The following RYK variants were observed in gnomAD, a reference collection of about 807,000 sequenced individuals.
RYK encodes receptor like tyrosine kinase.
In RYK, 21 loss-of-function variants were observed where a neutral mutation model predicts 70.2. The observed-to-expected ratio is 0.30, with a 90% CI of 0.21 to 0.43. The LOEUF (loss-of-function observed/expected upper bound fraction) is 0.43. Among genes scored for constraint, RYK ranks in the 20% least tolerant of loss-of-function variants. The pLI is 1.00. For synonymous variants in RYK, 267 were observed against 278.0 expected (o/e 0.96, Z 0.39); for missense variants, 604 against 753.3 (o/e 0.80, Z 2.32).
At chr3:134,200,221 G>A (rs2013959568) in intron 6 of RYK, among the ~76,000 whole-genome samples, 1 of 152,046 alleles carries the variant, frequency 6.6e-6, no homozygotes, top group African/African-American at 2.4e-5. Flanking sequence ...CACTCTTTGG[G>A]TCCGCACTAC....
At chr3:134,164,017 G>A (rs960144434) in intron 13 of RYK, among the ~76,000 whole-genome samples, 16 of 152,002 alleles carry the variant, frequency 1.1e-4, no homozygotes, top group Admixed American at 1.0e-3. Flanking sequence ...TGCATTTTTA[G>A]CAGAAATGGG....
chr3:134,227,174 C>A (rs1409825235), intron 1 of RYK, among the ~76,000 whole-genome samples: 2 of 152,036 alleles, frequency 1.3e-5, no homozygotes, highest in Non-Finnish European at 1.5e-5. Flanking sequence ...AAAATCAATA[C>A]TATAACATTA....
intron 10 of RYK, chr3:134,181,538 C>G (rs2108156403): frequency 6.6e-6 from 1 of 152,224 alleles, no homozygotes; most frequent in East Asian, 1.9e-4. Context: ...TGAATATGAA[C>G]CAAAATATAA....
At chr3:134,250,385 C>G in intron 1 of RYK, 38 bp downstream of exon 1, 4 of 1,314,662 alleles carry the variant, frequency 3.0e-6, no homozygotes, top group Non-Finnish European at 2.9e-6. Context: ...CCCCAGCCGG[C>G]CCGACCTGCC....
At chr3:134,201,878 G>T (rs1485319519) in intron 6 of RYK, among the ~76,000 whole-genome samples, 1 of 152,120 alleles carries the variant, frequency 6.6e-6, no homozygotes, top group African/African-American at 2.4e-5. Context: ...AAATCACAGA[G>T]GAGGGAAGTA....
chr3:134,185,904 CAATT>C (rs1436281787), intron 9 of RYK, among the ~76,000 whole-genome samples: 3 of 152,102 alleles, frequency 2.0e-5, no homozygotes, highest in Non-Finnish European at 4.4e-5. Context: ...TAAGAAAACT[CAATT>C]AAAGATAAAA....
intron 14 of RYK, among the ~76,000 whole-genome samples, chr3:134,158,473 G>A (rs2108136394): frequency 6.6e-6 from 1 of 152,260 alleles, no homozygotes; most frequent in Non-Finnish European, 1.5e-5. Context: ...AATTCTTCAT[G>A]ACAACATATC....
At chr3:134,246,375 T>TA (rs35031038) in intron 1 of RYK, among the ~76,000 whole-genome samples, 70,816 of 109,604 alleles carry the variant, frequency 0.65, 22,185 homozygotes, top group Middle Eastern at 0.8. Flanking sequence ...TGGGAATTAT[T>TA]AAAAAAAAAA....
chr3:134,202,610 G>A (rs2014059907), intron 6 of RYK, 120 bp downstream of exon 6: 1 of 721,388 alleles, frequency 1.4e-6, no homozygotes, highest in South Asian at 2.2e-5. Context: ...TTTTCCTTTG[G>A]CTGGGGCTTA....
At chr3:134,202,933 C>T in intron 5 of RYK, 59 bp from the exon 6 acceptor site, 1 of 1,381,692 alleles carries the variant, frequency 7.2e-7, no homozygotes. Flanking sequence ...GCTTTGTGAC[C>T]CAATATACAT....
intron 1 of RYK, among the ~76,000 whole-genome samples, chr3:134,224,517 G>T (rs2014838534): frequency 6.6e-6 from 1 of 152,224 alleles, no homozygotes; most frequent in African/African-American, 2.4e-5. Context: ...GAGACGTTTA[G>T]GCCTCCAGAT....
chr3:134,173,781 A>C (rs1200806514), intron 13 of RYK, among the ~76,000 whole-genome samples: 1 of 152,202 alleles, frequency 6.6e-6, no homozygotes, highest in African/African-American at 2.4e-5. Flanking sequence ...AAAGGAAAAA[A>C]AATTTATTTA....
intron 10 of RYK, chr3:134,180,807 A>G (rs1191273326): frequency 1.3e-5 from 2 of 152,226 alleles, no homozygotes; most frequent in African/African-American, 2.4e-5. Context: ...ATCACCTCAT[A>G]GAAGGAAGAA....
intron 1 of RYK, among the ~76,000 whole-genome samples, chr3:134,224,534 G>A (rs963421784): frequency 2.0e-5 from 3 of 152,184 alleles, no homozygotes; most frequent in Non-Finnish European, 2.9e-5. Context: ...AGATGGCTGC[G>A]GGCGGGCCTG....
intron 6 of RYK, among the ~76,000 whole-genome samples, chr3:134,202,015 T>C (rs1293680441): frequency 6.6e-6 from 1 of 152,240 alleles, no homozygotes; most frequent in Admixed American, 6.5e-5. Flanking sequence ...ATTCACACAC[T>C]TTACTATACA....
chr3:134,158,137 T>A lies in RYK; in HGVS notation c.*16A>T. 1 of 1,380,818 alleles carries A rather than the reference T, an allele frequency of 7.2e-7. No homozygotes were observed. The highest frequency in any genetic ancestry group is 2.7e-5 in the East Asian group (1 of 36,972). The allele number at this position is 1,380,818 out of a possible 1,614,324, so 85.5% of individuals were successfully genotyped here. On this transcript the variant is annotated 3_prime_UTR_variant, in exon 15 of 15. Coordinates refer to ENST00000623711, the MANE Select transcript of RYK (RefSeq NM_002958.4). The stretch of plus-strand genomic sequence containing the variant: ...GACAGGCACCTTCTTCCTGATGGTG[T>A]GGGATTGGAGAGGAGTCAGACGTAG...
chr3:134,211,119 T>C (rs1463984380), intron 3 of RYK, among the ~76,000 whole-genome samples: 1 of 152,150 alleles, frequency 6.6e-6, no homozygotes, highest in Non-Finnish European at 1.5e-5. Context: ...GAGTCTGGAA[T>C]GTTCAGTTGA....
chr3:134,247,329 C>G (rs139720402), intron 1 of RYK, among the ~76,000 whole-genome samples: 23 of 152,226 alleles, frequency 1.5e-4, no homozygotes, highest in African/African-American at 4.8e-4. Context: ...AATAAACAGA[C>G]CTAGCTGAGG....
intron 1 of RYK, among the ~76,000 whole-genome samples, chr3:134,240,746 A>G (rs1037805997): frequency 1.1e-4 from 16 of 152,206 alleles, no homozygotes; most frequent in African/African-American, 3.4e-4. Context: ...CTAGCACAGT[A>G]TACAAATTTT....
Sources: allele counts gnomAD v4.1 joint callset (sites outside exome capture counted in the v4.1 genomes callset), GRCh38; gene constraint gnomAD v4.1.1; transcripts MANE v1.5; gene names NCBI Gene and HGNC (gene_info 2026-07-23, HGNC 2026-07-21).